The following RRP12 variants were observed in gnomAD, a reference collection of about 807,000 sequenced individuals.
RRP12 encodes the protein RRP12-like protein.
A neutral mutation model predicts 157.3 loss-of-function variants in RRP12; 78 were observed. The ratio of observed to expected loss-of-function variants is 0.50; its 90% CI spans 0.41 to 0.60. The LOEUF (loss-of-function observed/expected upper bound fraction) is 0.60, where lower values mean the gene tolerates loss of function less well. Among genes scored for constraint, RRP12 ranks in the 20% least tolerant of loss-of-function variants. RRP12 has a pLI of 0.00. For missense variants in RRP12, 1,521 were observed against 1,679.9 expected (o/e 0.91, Z 1.65); for synonymous variants, 726 against 670.9 (o/e 1.08, Z -1.27).
intron 2 of RRP12, among the ~76,000 whole-genome samples, chr10:97,399,590 C>G (rs996791321): frequency 6.6e-6 from 1 of 151,878 alleles, no homozygotes; most frequent in Non-Finnish European, 1.5e-5. Flanking sequence ...CACGGTGGCT[C>G]ATGCCTGTAA....
At chr10:97,364,279 T>C (rs1332988548) in intron 29 of RRP12, among the ~76,000 whole-genome samples, 1 of 152,162 alleles carries the variant, frequency 6.6e-6, no homozygotes, top group Non-Finnish European at 1.5e-5. Flanking sequence ...ACCCCCACTG[T>C]GCCAGGAAGG....
intron 19 of RRP12, 40 bp downstream of exon 19, chr10:97,372,696 G>A (rs758891965): frequency 1.8e-5 from 28 of 1,518,000 alleles, no homozygotes; most frequent in Non-Finnish European, 2.2e-5. Context: ...CCAGCTCCCT[G>A]GGCTGCTCCA....
At chr10:97,362,584 C>T (rs1472138586) in intron 30 of RRP12, among the ~76,000 whole-genome samples, 2 of 152,040 alleles carry the variant, frequency 1.3e-5, no homozygotes, top group African/African-American at 2.4e-5. Flanking sequence ...CATGTCAGAC[C>T]AAGCAGAGGA....
chr10:97,381,573 GA>G, intron 11 of RRP12, 90 bp from the exon 12 acceptor site: 1 of 1,255,518 alleles, frequency 8.0e-7, no homozygotes, highest in South Asian at 1.4e-5. Flanking sequence ...GGGAGTCTAA[GA>G]AAGCTTCGAA....
chr10:97,385,836 C>T, intron 9 of RRP12, 59 bp downstream of exon 9: 1 of 1,278,508 alleles, frequency 7.8e-7, no homozygotes, highest in Non-Finnish European at 1.1e-6. Flanking sequence ...GCCCCCAGCA[C>T]AGCCTCCCAA....
intron 8 of RRP12, 114 bp from the exon 9 acceptor site, chr10:97,386,107 C>T (rs1844624427): frequency 4.6e-6 from 3 of 650,032 alleles, no homozygotes; most frequent in South Asian, 3.6e-5. Flanking sequence ...CTCACACATG[C>T]CCCCCACACA....
Position 97,357,216 on chromosome 10 carries a change from A to T in RRP12, c.3792-20T>A, listed in dbSNP as rs769422527. ...TTCTTCCTGCAGGGCCAAGGAACGG[A>T]AGGGTCACATCTGGCTGAGAATAGG... On this transcript the variant is annotated intron_variant, in intron 33 of 33. Transcript: ENST00000370992. 1 of 1,514,846 alleles carries T rather than the reference A, an allele frequency of 6.6e-7. No homozygotes were observed. Among genetic ancestry groups the T allele is most frequent in the South Asian group, 1.1e-5 (1 of 88,006 alleles). 93.8% of individuals were successfully genotyped at this position (1,514,846 alleles called of 1,614,324 possible).
At chr10:97,390,266 C>T (rs1844764973) in intron 6 of RRP12, among the ~76,000 whole-genome samples, 157 bp downstream of exon 6, 1 of 152,232 alleles carries the variant, frequency 6.6e-6, no homozygotes, top group Non-Finnish European at 1.5e-5. Flanking sequence ...GCCGCCCTGC[C>T]TTCTGCATCT....
intron 12 of RRP12, 52 bp from the exon 13 acceptor site, chr10:97,380,965 C>T: frequency 6.9e-7 from 1 of 1,443,116 alleles, no homozygotes; most frequent in South Asian, 1.1e-5. Flanking sequence ...CCTGTGCCCC[C>T]CACCAGAGAA....
At chr10:97,398,594 A>C (rs1845051425) in intron 2 of RRP12, among the ~76,000 whole-genome samples, 1 of 148,496 alleles carries the variant, frequency 6.7e-6, no homozygotes, top group Admixed American at 6.8e-5. Flanking sequence ...TGATCTGCCC[A>C]CCTCGGCCTC....
chr10:97,385,935 A>T lies in RRP12; in HGVS notation c.1076T>A (p.Leu359Gln). 1 of 1,607,602 alleles carries T rather than the reference A, an allele frequency of 6.2e-7. No individual in the cohort carries two copies. The highest frequency in any genetic ancestry group is 8.5e-7 in the Non-Finnish European group (1 of 1,177,224). Residue 359 changes from leucine to glutamine, a missense_variant, in exon 9 of 34, where the codon CTG becomes CAG. By Grantham distance (113) the Leu-to-Gln change is moderately radical. Transcript: ENST00000370992. ...GTTGAGCTCTGCTGACAGGGTGCTC[A>T]GGCCAGGCCTGGCGTGGAAGAGGCT... is the stretch of plus-strand genomic sequence containing the variant. ...FHSLFHARPG[L>Q]STLSAELNAQ...
At chr10:97,372,022 C>G (rs1844169170) in intron 20 of RRP12, 51 bp downstream of exon 20, 2 of 1,309,240 alleles carry the variant, frequency 1.5e-6, no homozygotes, top group East Asian at 2.3e-5. Flanking sequence ...TTCCCACAGC[C>G]CATCTGCCCC....
At position 97,362,072 on chromosome 10, in the gene RRP12, A is replaced by G. The variant is rs139158360; in HGVS notation, c.3568-1454T>C. On this transcript the variant is annotated intron_variant, in intron 30 of 33. Coordinates refer to ENST00000370992, the MANE Select transcript of RRP12 (RefSeq NM_015179.4). ...CAGTGAGCCGAGATTGCGCCACTAC[A>G]CTCCAGCCTGGCGAAAAAGTGAGAC... 8.1e-3 allele frequency among the ~76,000 whole-genome samples: 1,180 copies of G among 145,266 alleles called. 17 individuals are homozygous for G. The highest frequency in any genetic ancestry group is 0.028 in the African/African-American group (1,101 of 38,706).
At chr10:97,381,010 G>T in intron 12 of RRP12, 97 bp from the exon 13 acceptor site, 1 of 963,378 alleles carries the variant, frequency 1.0e-6, no homozygotes, top group Non-Finnish European at 1.6e-6. Context: ...ACAGACGCTA[G>T]CTGGCCAGCA....
At chr10:97,398,996 G>A (rs184771823) in intron 2 of RRP12, among the ~76,000 whole-genome samples, 260 of 152,164 alleles carry the variant, frequency 1.7e-3, no homozygotes, top group Non-Finnish European at 2.9e-3. Context: ...AATTTGGGCC[G>A]GGCGCAGTGG....
intron 15 of RRP12, among the ~76,000 whole-genome samples, chr10:97,378,088 TAG>T (rs1844360917): frequency 6.6e-6 from 1 of 151,688 alleles, no homozygotes; most frequent in Non-Finnish European, 1.5e-5. Context: ...AGAAGATAAA[TAG>T]AGAGAGGAGA....
chr10:97,376,212 C>CTTTTTTTTTTTTT (rs771016888), intron 15 of RRP12, among the ~76,000 whole-genome samples: 1 of 107,536 alleles, frequency 9.3e-6, no homozygotes, highest in Non-Finnish European at 1.8e-5. Context: ...CTTTTACTTT[C>CTTTTTTTTTTTTT]TTTTTTTTTT....
At chr10:97,391,633 T>G (rs1316500955) in intron 4 of RRP12, among the ~76,000 whole-genome samples, 2 of 149,578 alleles carry the variant, frequency 1.3e-5, no homozygotes, top group Non-Finnish European at 3.0e-5. Context: ...AGATAAAACA[T>G]CATTTCGGCC....
chr10:97,381,211 G>A (rs531368452), intron 12 of RRP12, among the ~76,000 whole-genome samples, 175 bp downstream of exon 12: 2 of 152,336 alleles, frequency 1.3e-5, no homozygotes, highest in East Asian at 3.9e-4. Flanking sequence ...AACATGGCAG[G>A]TGCTCAAGTC....
Sources: allele counts gnomAD v4.1 joint callset (sites outside exome capture counted in the v4.1 genomes callset), GRCh38; gene constraint gnomAD v4.1.1; transcripts MANE v1.5; gene names NCBI Gene and HGNC (gene_info 2026-07-23, HGNC 2026-07-21).